WDR75: variants seen among roughly 807,000 people sequenced by gnomAD.
WDR75 encodes the protein WD repeat-containing protein 75.
Under a neutral mutation model 106.1 loss-of-function variants are expected in WDR75, and 52 were observed. The observed-to-expected ratio is 0.49, with a 90% CI of 0.39 to 0.62. The LOEUF is 0.62. Among genes scored for constraint, WDR75 ranks in the 20% least tolerant of loss-of-function variants. WDR75 has a pLI of 0.00. For missense variants in WDR75, 905 were observed against 970.3 expected (o/e 0.93, Z 0.89); for synonymous variants, 333 against 335.5 (o/e 0.99, Z 0.08).
At chr2:189,454,238 G>C (rs949315193) in intron 4 of WDR75, among the ~76,000 whole-genome samples, 12 of 152,132 alleles carry the variant, frequency 7.9e-5, no homozygotes, top group African/African-American at 2.9e-4. Flanking sequence ...ATTTAGCATC[G>C]TAGGCTATTG....
intron 18 of WDR75, among the ~76,000 whole-genome samples, 198 bp from the exon 19 acceptor site, chr2:189,473,988 T>C (rs753140359): frequency 6.6e-6 from 1 of 152,200 alleles, no homozygotes; most frequent in African/African-American, 2.4e-5. Context: ...ATCTAAGTGT[T>C]CACTGTTAGC....
At chr2:189,463,633 A>G in intron 9 of WDR75, 61 bp from the exon 10 acceptor site, 2 of 1,560,530 alleles carry the variant, frequency 1.3e-6, no homozygotes, top group Non-Finnish European at 1.8e-6. Context: ...CCTGAGCCAC[A>G]GGTTGGACAA....
intron 1 of WDR75, among the ~76,000 whole-genome samples, chr2:189,445,654 A>T (rs543839974): frequency 2.2e-4 from 34 of 152,304 alleles, no homozygotes; most frequent in African/African-American, 7.7e-4. Context: ...CAAATAAATT[A>T]TGTAGTCAAT....
At chr2:189,449,155 C>G (rs1686563586) in intron 2 of WDR75, 2 of 917,650 alleles carry the variant, frequency 2.2e-6, no homozygotes, top group Non-Finnish European at 3.0e-6. Flanking sequence ...TAATTCTGTT[C>G]TTAAGTTTCG....
intron 9 of WDR75, 22 bp downstream of exon 9, chr2:189,462,664 T>C (rs376474990): frequency 1.2e-6 from 2 of 1,608,360 alleles, no homozygotes; most frequent in African/African-American, 2.7e-5. Context: ...TTTTTTATTA[T>C]GAGGAAATAT....
rs1686547870 is a variant in WDR75 at position 189,448,511 on chromosome 2, G to A, written c.216+3G>A. On this transcript the variant is annotated splice_donor_region_variant and intron_variant, in intron 2 of 20. Transcript: ENST00000314761. ...TTAACCCCAACAACCATCTACAGGT[G>A]TCAAACAGTTTATAGCTGAATACTT... 6.2e-7 allele frequency: 1 copy of A among 1,613,556 alleles called. No homozygotes were observed. The highest frequency in any genetic ancestry group is 8.5e-7 in the Non-Finnish European group (1 of 1,179,712).
intron 19 of WDR75, 124 bp downstream of exon 19, chr2:189,474,456 T>A: frequency 8.5e-7 from 1 of 1,181,962 alleles, no homozygotes; most frequent in Non-Finnish European, 1.2e-6. Context: ...ACTAAATAAC[T>A]AACAACAAAC....
rs1238751946 is a variant in WDR75 at position 189,463,773 on chromosome 2, A to T, written c.997+20A>T. The T allele has an allele frequency of 1.9e-6, 3 of 1,613,720 alleles. No homozygotes were observed. The highest frequency in any genetic ancestry group is 1.7e-5 in the Admixed American group (1 of 60,000). On this transcript the variant is annotated intron_variant, in intron 10 of 20. Coordinates refer to ENST00000314761, the MANE Select transcript of WDR75 (RefSeq NM_032168.3). ...TGAAAGGTATTGCAGAACTCAGTGGATTTGGAATCATGAACATTTTAAAGA... is the reference window on the plus strand; with the variant it reads ...TGAAAGGTATTGCAGAACTCAGTGGTTTTGGAATCATGAACATTTTAAAGA...
In WDR75 at chr2:189,466,512, C is replaced by A; in HGVS notation, c.1377C>A (p.Pro459=). 2 of 1,613,296 alleles carry A rather than the reference C, an allele frequency of 1.2e-6. No homozygotes were observed. Among genetic ancestry groups the A allele is most frequent in the Non-Finnish European group, 1.7e-6 (2 of 1,179,468 alleles). ...GTAATGCAGAAAAATCTGAACAGCC[C>A]ACCTTGGTTACAGCTAGCAAAGATG... ...CFCNAEKSEQ[P]TLVTASKDGY... Residue 459 remains proline (P), a synonymous_variant, in exon 13 of 21, where the codon CCC becomes CCA. Transcript: ENST00000314761.
chr2:189,449,733 A>G (rs1016912967), intron 2 of WDR75: 1 of 987,192 alleles, frequency 1.0e-6, no homozygotes, highest in Non-Finnish European at 1.2e-6. Context: ...TTACTAGTCC[A>G]TATTTATGAT....
chr2:189,453,352 C>T (rs1686665878), intron 4 of WDR75, among the ~76,000 whole-genome samples: 1 of 152,126 alleles, frequency 6.6e-6, no homozygotes, highest in Non-Finnish European at 1.5e-5. Context: ...TGATTCTGCT[C>T]ATCACTCGTA....
At chr2:189,451,973 G>C (rs1186566424) in intron 4 of WDR75, 78 bp downstream of exon 4, 14 of 1,237,844 alleles carry the variant, frequency 1.1e-5, no homozygotes, top group Non-Finnish European at 1.5e-5. Flanking sequence ...TTAACATTTT[G>C]GTTTTAATCT....
intron 4 of WDR75, among the ~76,000 whole-genome samples, chr2:189,452,721 C>T (rs1378282845): frequency 6.6e-6 from 1 of 152,046 alleles, no homozygotes; most frequent in Non-Finnish European, 1.5e-5. Context: ...TGTCCCTTAC[C>T]ATAGAGTTTG....
intron 4 of WDR75, among the ~76,000 whole-genome samples, chr2:189,452,914 C>G (rs1482567666): frequency 1.3e-5 from 2 of 152,178 alleles, no homozygotes; most frequent in Non-Finnish European, 2.9e-5. Flanking sequence ...AATCCCAGTG[C>G]TTTGGGAGGC....
Position 189,475,309 on chromosome 2 carries a change from A to G in WDR75, c.2385A>G (p.Thr795=). Residue 795 remains threonine (T), a synonymous_variant, in exon 21 of 21, where the codon ACA becomes ACG. Transcript: ENST00000314761. ...ATTTTACCGAAAAAGTCCAGGATACAAGTAACACAGGTTTAGGAGAAGACA... is the reference window on the plus strand; with the variant it reads ...ATTTTACCGAAAAAGTCCAGGATACGAGTAACACAGGTTTAGGAGAAGACA... ...ENDFTEKVQD[T]SNTGLGEDII... 2.5e-6 allele frequency: 4 copies of G among 1,612,830 alleles called. No individual in the cohort carries two copies. The highest frequency in any genetic ancestry group is 1.7e-4 in the Middle Eastern group (1 of 6,040).
intron 5 of WDR75, among the ~76,000 whole-genome samples, chr2:189,456,469 C>T (rs573059215): frequency 2.0e-5 from 3 of 151,968 alleles, no homozygotes; most frequent in Admixed American, 2.0e-4. Context: ...CACATGAGAA[C>T]GTAGATTAAA....
intron 2 of WDR75, chr2:189,449,613 T>C: frequency 9.6e-7 from 1 of 1,042,668 alleles, no homozygotes. Flanking sequence ...GAAGGGCAGT[T>C]TTATCAGATT....
At position 189,466,474 on chromosome 2, in the gene WDR75, G is replaced by A; in HGVS notation, c.1339G>A (p.Ala447Thr). The A allele has an allele frequency of 6.2e-7, 1 of 1,613,186 alleles. No individual in the cohort carries two copies. The highest frequency in any genetic ancestry group is 2.2e-5 in the East Asian group (1 of 44,840). ...CATGCCACACGAAGACTGCATTACA[G>A]CTCTCTGTTTCTGTAATGCAGAAAA... ...INMPHEDCIT[A>T]LCFCNAEKSE... The change falls in exon 13 of 21, where the codon GCT becomes ACT. Residue 447 changes from alanine (A) to threonine (T), a missense_variant. By Grantham distance (58) the Ala-to-Thr change is moderately conservative (BLOSUM62 0). Transcript: ENST00000314761.
chr2:189,475,239 A>G lies in WDR75; in HGVS notation c.2315A>G (p.Asp772Gly), dbSNP rs752977956. 1.2e-6 allele frequency: 2 copies of G among 1,612,148 alleles called. No homozygotes were observed. The highest frequency in any genetic ancestry group is 1.7e-6 in the Non-Finnish European group (2 of 1,179,012). Residue 772 changes from aspartate (D) to glycine (G), a missense_variant, in exon 21 of 21, where the codon GAT becomes GGT. Coordinates refer to ENST00000314761, the MANE Select transcript of WDR75 (RefSeq NM_032168.3). ...KSAKEIPEDVDMEEEKESEDS... is the reference protein window; with the variant it reads ...KSAKEIPEDVGMEEEKESEDS... Reference sequence around the variant, plus strand: ...GCTAAGGAAATTCCTGAAGATGTAGATATGGAAGAAGAAAAAGAAAGTGAA... The same window carrying G: ...GCTAAGGAAATTCCTGAAGATGTAGGTATGGAAGAAGAAAAAGAAAGTGAA...
Sources: gnomAD v4.1 joint callset for allele counts (sites outside exome capture counted in the v4.1 genomes callset) on GRCh38, gnomAD v4.1.1 for gene constraint, MANE v1.5 for transcripts, NCBI Gene and HGNC (gene_info 2026-07-23, HGNC 2026-07-21) for gene names.